BAIAP3: variants seen among roughly 807,000 people sequenced by gnomAD.
The protein encoded by BAIAP3 is BAI1-associated protein 3.
A neutral mutation model predicts 149.7 loss-of-function variants in BAIAP3; 180 were observed. The ratio of observed to expected loss-of-function variants is 1.20; its 90% confidence interval spans 1.07 to 1.36. The LOEUF (loss-of-function observed/expected upper bound fraction) is 1.36. Among genes scored for constraint, BAIAP3 ranks in the 40% most tolerant of loss-of-function variants. BAIAP3 has a pLI of 0.00. For missense variants in BAIAP3, 1,767 were observed against 1,563.4 expected, an observed-to-expected ratio of 1.13 and a Z score of -2.20; for synonymous variants, 845 against 670.7, an observed-to-expected ratio of 1.26 and a Z score of -4.02.
In BAIAP3 at chr16:1,342,025, G is replaced by A; in HGVS notation, c.816G>A (p.Arg272=). 6.2e-7 allele frequency: 1 copy of A among 1,607,300 alleles called. No homozygotes were observed. Among genetic ancestry groups the A allele is most frequent in the Non-Finnish European group, 8.5e-7 (1 of 1,177,016 alleles). ...DDDVSLVEAC[R]KLNEVIGLKG... The stretch of plus-strand genomic sequence containing the variant: ...ATGTATCCCTGGTAGAAGCGTGCAG[G>A]AAGCTGAATGAAGTCATCGGCCTGA... The change falls in exon 10 of 34, where the codon AGG becomes AGA. Residue 272 remains arginine, a synonymous_variant. Transcript: ENST00000426824.
Position 1,347,382 on chromosome 16 carries a change from C to T in BAIAP3, c.2823+13C>T, listed in dbSNP as rs781573541. 1.9e-6 allele frequency: 3 copies of T among 1,612,798 alleles called. No individual in the cohort carries two copies. The highest frequency in any genetic ancestry group is 1.7e-5 in the Admixed American group (1 of 59,954). On this transcript the variant is annotated intron_variant, in intron 29 of 33. Coordinates refer to ENST00000426824, the MANE Select transcript of BAIAP3 (RefSeq NM_001199097.2). ...TGGAAGCTACAAGGTGAGGTGGGAC[C>T]CTCTGTGGGGCGGGGGTGTGGATGA... is the stretch of plus-strand genomic sequence containing the variant.
chr16:1,343,593 G>C (rs1343671005), intron 15 of BAIAP3, 80 bp downstream of exon 15: 1 of 1,554,080 alleles, frequency 6.4e-7, no homozygotes, highest in Non-Finnish European at 8.7e-7. Flanking sequence ...CGGTCGGCGA[G>C]GGGCAGAGTC....
At chr16:1,335,253 G>A (rs577616872) in intron 1 of BAIAP3, among the ~76,000 whole-genome samples, 24 of 152,360 alleles carry the variant, frequency 1.6e-4, no homozygotes, top group African/African-American at 5.5e-4. Flanking sequence ...AGGGAGCAAG[G>A]TGGGATGGGC....
At chr16:1,347,165 G>C in intron 28 of BAIAP3, 133 bp from the exon 29 acceptor site, 1 of 1,015,824 alleles carries the variant, frequency 9.8e-7, no homozygotes, top group Non-Finnish European at 1.4e-6. Flanking sequence ...ATGCCCGCCA[G>C]GGTGTGAGAA....
chr16:1,342,423 G>C (rs1394874300), intron 11 of BAIAP3, 104 bp from the exon 12 acceptor site: 2 of 1,376,042 alleles, frequency 1.5e-6, no homozygotes, highest in Non-Finnish European at 2.0e-6. Context: ...TCATTCCCCG[G>C]AGAAGGGAAG....
At position 1,342,422 on chromosome 16, in the gene BAIAP3, G is replaced by C. The variant is rs74006019; in HGVS notation, c.958-105G>C. ...AGTGCGCTTGTCACCCTCATTCCCCGGAGAAGGGAAGCCCAGGCCATGTGG... is the reference window on the plus strand; with the variant it reads ...AGTGCGCTTGTCACCCTCATTCCCCCGAGAAGGGAAGCCCAGGCCATGTGG... On this transcript the variant is annotated intron_variant, in intron 11 of 33. Transcript: ENST00000426824. 1,965 of 1,376,348 alleles carry C rather than the reference G, an allele frequency of 1.4e-3. 22 individuals are homozygous for C. In the African/African-American group the frequency reaches 0.026, roughly 18 times the overall value. The allele number at this position is 1,376,348 out of a possible 1,614,324, so 85.3% of individuals were successfully genotyped here. A position where few individuals can be genotyped will look rare whatever the true frequency, so the allele number is the denominator to read the frequency against.
chr16:1,347,034 C>A, intron 28 of BAIAP3, 79 bp downstream of exon 28: 1 of 1,338,312 alleles, frequency 7.5e-7, no homozygotes, highest in Non-Finnish European at 1.0e-6. Flanking sequence ...CCCCACTGGC[C>A]TGCCTGGTCT....
Position 1,346,845 on chromosome 16 carries a change from AG to A in BAIAP3, c.2644del. 6.3e-7 allele frequency: 1 copy of A among 1,592,738 alleles called. No individual in the cohort carries two copies. Among genetic ancestry groups the A allele is most frequent in the South Asian group, 1.1e-5 (1 of 88,568 alleles). The stretch of plus-strand genomic sequence containing the variant: ...CCCGTGGTCACTGATGCTGCCCTGC[AG>A]GGTGCTGGAGGCCCTGTGGGAGCTA... On this transcript the variant is annotated splice_acceptor_variant, in intron 27 of 33. Transcript: ENST00000426824. LOFTEE classifies it high-confidence loss of function.
Position 1,347,631 on chromosome 16 carries a change from G to A in BAIAP3, c.2904+6G>A, listed in dbSNP as rs1257453045. The A allele has an allele frequency of 6.2e-7, 1 of 1,613,026 alleles. No individual in the cohort carries two copies. Among genetic ancestry groups the A allele is most frequent in the Non-Finnish European group, 8.5e-7 (1 of 1,179,984 alleles). The stretch of plus-strand genomic sequence containing the variant: ...ACCTGGACAAGCTCAAACAGGTAGG[G>A]AGGCGCCAGGGACAGGGTGCTGCCT... On this transcript the variant is annotated splice_donor_region_variant and intron_variant, in intron 30 of 33. Transcript: ENST00000426824.
chr16:1,346,747 G>T, intron 27 of BAIAP3, 63 bp downstream of exon 27: 1 of 1,532,546 alleles, frequency 6.5e-7, no homozygotes, highest in Non-Finnish European at 8.8e-7. Context: ...GCCCTGCAGG[G>T]TGCCGGAGGC....
intron 5 of BAIAP3, 21 bp from the exon 6 acceptor site, chr16:1,340,901 C>T (rs1413719775): frequency 6.4e-7 from 1 of 1,559,150 alleles, no homozygotes. Context: ...TAGGCCCTGC[C>T]AACCCAGCCA....
At chr16:1,347,648 G>A (rs2034470421) in intron 30 of BAIAP3, 23 bp downstream of exon 30, 5 of 1,612,832 alleles carry the variant, frequency 3.1e-6, no homozygotes, top group East Asian at 2.2e-5. Context: ...CAGGGACAGG[G>A]TGCTGCCTCC....
intron 14 of BAIAP3, 81 bp downstream of exon 14, chr16:1,343,097 G>A (rs975450036): frequency 1.2e-6 from 1 of 843,130 alleles, no homozygotes; most frequent in Non-Finnish European, 1.8e-6. Context: ...GCGGTGAGTG[G>A]ATGTCGTGGC....
chr16:1,342,958 A>C lies in BAIAP3; in HGVS notation c.1207A>C (p.Thr403Pro), dbSNP rs752618227. ...AGGAGAGCTCAGCACACCAGCCGCCACCATCCTCTGCCTGCACGGAGCCCA... is the reference window on the plus strand; with the variant it reads ...AGGAGAGCTCAGCACACCAGCCGCCCCCATCCTCTGCCTGCACGGAGCCCA... Reference protein sequence around the residue: ...WRGELSTPAATILCLHGAQSN... With the variant: ...WRGELSTPAAPILCLHGAQSN... Residue 403 changes from threonine (T) to proline (P), a missense_variant, in exon 14 of 34, where the codon ACC becomes CCC. By Grantham distance (38) the Thr-to-Pro change is conservative. Coordinates refer to ENST00000426824, the MANE Select transcript of BAIAP3 (RefSeq NM_001199097.2). The C allele has an allele frequency of 2.5e-6, 4 of 1,612,002 alleles. No individual in the cohort carries two copies. Among genetic ancestry groups the C allele is most frequent in the Non-Finnish European group, 3.4e-6 (4 of 1,179,976 alleles).
chr16:1,344,466 CAG>C lies in BAIAP3; in HGVS notation c.1605_1606del. On this transcript the variant is annotated splice_acceptor_variant, in intron 17 of 33. Transcript: ENST00000426824. LOFTEE classifies it high-confidence loss of function. ...CATGCTGTCTTGGTGGTGTCTGTTGCAGAGAGGCAACCGTGAGTGGTACGACA... is the reference window on the plus strand; with the variant it reads ...CATGCTGTCTTGGTGGTGTCTGTTGCAGAGGCAACCGTGAGTGGTACGACA... The C allele has an allele frequency of 1.2e-6, 2 of 1,613,522 alleles. No homozygotes were observed. The highest frequency in any genetic ancestry group is 1.1e-5 in the South Asian group (1 of 91,080).
At chr16:1,336,074 C>G (rs562913739) in intron 1 of BAIAP3, 1 of 289,082 alleles carries the variant, frequency 3.5e-6, no homozygotes, top group Non-Finnish European at 5.2e-6. Context: ...TCCCCAACCC[C>G]GCAGTTCAGG....
chr16:1,342,680 G>T, intron 12 of BAIAP3, 39 bp from the exon 13 acceptor site: 1 of 1,610,782 alleles, frequency 6.2e-7, no homozygotes, highest in Non-Finnish European at 8.5e-7. Context: ...TCCTTGGGGC[G>T]GGGGCAGAGC....
rs111548590 is a variant in BAIAP3, at chr16:1,344,890, G to T, written c.1809+41G>T. 1.3e-4 allele frequency: 202 copies of T among 1,613,726 alleles called. 3 individuals carry two copies. The African/African-American group carries it at 1.6e-3, about 13-fold the overall frequency. On this transcript the variant is annotated intron_variant, in intron 20 of 33. Coordinates refer to ENST00000426824, the MANE Select transcript of BAIAP3 (RefSeq NM_001199097.2). Reference sequence around the variant, plus strand: ...GACCCCGGGTGCCTGCCAGGCATGGGGAAGTGGGCAGATGCCCTTGGCTAG... The same window carrying T: ...GACCCCGGGTGCCTGCCAGGCATGGTGAAGTGGGCAGATGCCCTTGGCTAG...
intron 21 of BAIAP3, 49 bp from the exon 22 acceptor site, chr16:1,345,200 G>A (rs1350027326): frequency 6.2e-7 from 1 of 1,610,110 alleles, no homozygotes; most frequent in Non-Finnish European, 8.5e-7. Context: ...GAACGTGCTG[G>A]TTAAGGTGTC....
Sources: allele counts gnomAD v4.1 joint callset (sites outside exome capture counted in the v4.1 genomes callset), GRCh38; gene constraint gnomAD v4.1.1; transcripts MANE v1.5; gene names NCBI Gene and HGNC (gene_info 2026-07-23, HGNC 2026-07-21).